NAA35: variants seen among roughly 807,000 people sequenced by gnomAD.
NAA35 encodes the protein MAK10 homolog, amino-acid N-acetyltransferase subunit.
In NAA35, 18 loss-of-function variants were observed where a neutral mutation model predicts 101.7. The observed-to-expected ratio is 0.18, with a 90% CI of 0.12 to 0.26. NAA35 has a LOEUF of 0.26. NAA35 is among the 10% of genes least tolerant of loss of function. The probability of loss-of-function intolerance (pLI) is 1.00; values close to 1 mark genes in which losing one functional copy is unlikely to be tolerated. For missense variants in NAA35, 601 were observed against 886.8 expected, an observed-to-expected ratio of 0.68 and a Z score of 4.09; for synonymous variants, 267 against 273.1, an observed-to-expected ratio of 0.98 and a Z score of 0.22.
chr9:85,953,935 C>T (rs937065967), intron 2 of NAA35, among the ~76,000 whole-genome samples: 4 of 152,100 alleles, frequency 2.6e-5, no homozygotes, highest in African/African-American at 4.8e-5. Flanking sequence ...TGTCAATGGG[C>T]GCTTGGGTTG....
intron 12 of NAA35, among the ~76,000 whole-genome samples, chr9:85,997,162 A>G (rs1026804965): frequency 6.6e-6 from 1 of 151,102 alleles, no homozygotes; most frequent in African/African-American, 2.4e-5. Flanking sequence ...GGGTCTCACT[A>G]TGTTACCCAG....
At chr9:85,997,872 T>C (rs1287765278) in intron 12 of NAA35, among the ~76,000 whole-genome samples, 2 of 152,148 alleles carry the variant, frequency 1.3e-5, no homozygotes, top group Non-Finnish European at 2.9e-5. Context: ...TACACATACA[T>C]ACATACATAT....
intron 2 of NAA35, among the ~76,000 whole-genome samples, chr9:85,950,799 T>C (rs1395605076): frequency 6.6e-6 from 1 of 152,156 alleles, no homozygotes; most frequent in African/African-American, 2.4e-5. Context: ...TATATATGTG[T>C]TTATTATAAT....
rs928421958 is a variant in NAA35, at chr9:85,996,545, G to A, written c.1024G>A (p.Val342Ile). The A allele has an allele frequency of 2.5e-6, 4 of 1,585,250 alleles. No homozygotes were observed. In the African/African-American group the frequency reaches 4.1e-5, roughly 16 times the overall value. ...LIDRIKTVCE[V>I]VNLTNLHCIL... The stretch of plus-strand genomic sequence containing the variant: ...AGATAGAATAAAAACTGTCTGTGAG[G>A]TTGTGAATTTAACAAATTTACATTG... The change falls in exon 12 of 23, where the codon GTT (valine) becomes ATT (isoleucine). Residue 342 changes from valine (V) to isoleucine (I), a missense_variant. By Grantham distance (29) the Val-to-Ile change is conservative (BLOSUM62 3). Around this residue, in one of 8 missense-constraint regions of NAA35, gnomAD observed 190 missense variants for 223.1 expected, o/e 0.85. Transcript: ENST00000361671.
intron 13 of NAA35, 36 bp from the exon 14 acceptor site, chr9:86,007,322 G>C: frequency 7.1e-7 from 1 of 1,414,034 alleles, no homozygotes. Flanking sequence ...AATTCTGTGC[G>C]TGACACCGTA....
chr9:85,987,086 A>G (rs540103763), intron 11 of NAA35: 4 of 152,362 alleles, frequency 2.6e-5, no homozygotes, highest in Non-Finnish European at 2.9e-5. Flanking sequence ...CAAGTGGGAC[A>G]AGCTTGAGGT....
At chr9:85,966,573 C>T in intron 6 of NAA35, 1 of 1,104,248 alleles carries the variant, frequency 9.1e-7, no homozygotes, top group Non-Finnish European at 1.2e-6. Context: ...TTTTTTTTAA[C>T]CTCACCCACC....
At chr9:85,958,838 T>G (rs1829386204) in intron 4 of NAA35, among the ~76,000 whole-genome samples, 2 of 152,178 alleles carry the variant, frequency 1.3e-5, no homozygotes, top group African/African-American at 4.8e-5. Flanking sequence ...TGACTATATA[T>G]TCAAATAGGA....
intron 13 of NAA35, 122 bp from the exon 14 acceptor site, chr9:86,007,236 T>C: frequency 1.7e-6 from 1 of 597,336 alleles, no homozygotes; most frequent in South Asian, 3.0e-5. Context: ...TATAAAAAAT[T>C]TTCACAAACT....
chr9:85,941,682 G>C (rs980648589), intron 1 of NAA35: 43 of 986,288 alleles, frequency 4.4e-5, no homozygotes, highest in Non-Finnish European at 4.8e-5. Flanking sequence ...GCGAGGTTCT[G>C]CCTGGGTCCG....
intron 6 of NAA35, among the ~76,000 whole-genome samples, chr9:85,965,819 A>G (rs1328382765): frequency 6.6e-6 from 1 of 152,196 alleles, no homozygotes; most frequent in African/African-American, 2.4e-5. Context: ...ATCTTCATAC[A>G]TAAGAGGATA....
At chr9:85,954,556 G>T (rs1443148502) in intron 2 of NAA35, among the ~76,000 whole-genome samples, 1 of 152,086 alleles carries the variant, frequency 6.6e-6, no homozygotes, top group Non-Finnish European at 1.5e-5. Context: ...TGGTGTCATT[G>T]TAATTTTAAT....
chr9:85,971,099 A>G lies in NAA35; in HGVS notation c.517-3868A>G, dbSNP rs188253210. Among the ~76,000 whole-genome samples, 192 of 152,288 alleles carry G rather than the reference A, an allele frequency of 1.3e-3. 4 individuals are homozygous for G. The South Asian group carries it at 0.033, about 26-fold the overall frequency. On this transcript the variant is annotated intron_variant, in intron 6 of 22. Coordinates refer to ENST00000361671, the MANE Select transcript of NAA35 (RefSeq NM_024635.4). Reference sequence around the variant, plus strand: ...AAACATGCTTTACATTCATTTGAAAACACCACAGTTTCCTTGATCCCATGG... The same window carrying G: ...AAACATGCTTTACATTCATTTGAAAGCACCACAGTTTCCTTGATCCCATGG...
rs1041066303 is a variant in NAA35 at position 86,023,529 on chromosome 9, T to G, written c.*1569T>G. On this transcript the variant is annotated 3_prime_UTR_variant, in exon 23 of 23. Coordinates refer to ENST00000361671, the MANE Select transcript of NAA35 (RefSeq NM_024635.4). Reference sequence around the variant, plus strand: ...AAGTTAGAAAGCTGAGAAATTATTATTCTTTCCCAGTGGCCAAGATACAAA... The same window carrying G: ...AAGTTAGAAAGCTGAGAAATTATTAGTCTTTCCCAGTGGCCAAGATACAAA... Among the ~76,000 whole-genome samples the G allele has an allele frequency of 1.3e-5, 2 of 152,224 alleles. No individual in the cohort carries two copies. Among genetic ancestry groups the G allele is most frequent in the Non-Finnish European group, 2.9e-5 (2 of 68,034 alleles).
intron 8 of NAA35, 140 bp downstream of exon 8, chr9:85,975,297 C>T (rs1444988696): frequency 6.4e-6 from 5 of 779,360 alleles, no homozygotes; most frequent in East Asian, 2.8e-5. Context: ...TTGAACACTG[C>T]TAGAGGAGTT....
chr9:85,948,548 CATT>C (rs1828866189), intron 2 of NAA35, among the ~76,000 whole-genome samples: 1 of 152,070 alleles, frequency 6.6e-6, no homozygotes, highest in Non-Finnish European at 1.5e-5. Flanking sequence ...GATTGGATAT[CATT>C]ATTATCTTCT....
chr9:86,003,632 A>T lies in NAA35; in HGVS notation c.1104A>T (p.Arg368Ser), dbSNP rs760888314. Residue 368 changes from arginine to serine, a missense_variant, in exon 13 of 23, where the codon AGA becomes AGT. Coordinates refer to ENST00000361671, the MANE Select transcript of NAA35 (RefSeq NM_024635.4). ...AACAGTCACCATGTGTTCTTTCAAG[A>T]TCTCTGTTACAAGTAAGTTCCACTT... Reference protein sequence around the residue: ...FSEQSPCVLSRSLLQTTFLVD... With the variant: ...FSEQSPCVLSSSLLQTTFLVD... 8 of 1,592,022 alleles carry T rather than the reference A, an allele frequency of 5.0e-6. No individual in the cohort carries two copies. In the South Asian group the frequency reaches 5.7e-5, roughly 11 times the overall value.
intron 2 of NAA35, among the ~76,000 whole-genome samples, chr9:85,949,924 T>C (rs1828938498): frequency 1.3e-5 from 2 of 152,194 alleles, no homozygotes; most frequent in Admixed American, 1.3e-4. Context: ...AACAGTTTGG[T>C]GGTAATACTA....
Position 86,025,379 on chromosome 9 carries a change from G to A in NAA35, c.*3419G>A, listed in dbSNP as rs539692448. On this transcript the variant is annotated 3_prime_UTR_variant, in exon 23 of 23. Transcript: ENST00000361671. ...AGGTGTAGACCATGCAGTGAGGAAA[G>A]AGCGACTCAACTGGGCTTGAAGAAC... Among the ~76,000 whole-genome samples the A allele has an allele frequency of 3.3e-5, 5 of 152,288 alleles. No individual in the cohort carries two copies. Among genetic ancestry groups the A allele is most frequent in the East Asian group, 1.9e-4 (1 of 5,162 alleles).
Sources: gnomAD v4.1 joint callset for allele counts (sites outside exome capture counted in the v4.1 genomes callset) on GRCh38, gnomAD v4.1.1 for gene constraint, gnomAD v4.1.1 regional missense constraint, MANE v1.5 for transcripts, NCBI Gene and HGNC (gene_info 2026-07-23, HGNC 2026-07-21) for gene names.